UBE3B: variants seen among roughly 807,000 people sequenced by gnomAD.
The protein encoded by UBE3B is ubiquitin-protein ligase E3B.
UBE3B carries 80 observed loss-of-function variants against 132.3 expected under a neutral mutation model. The ratio of observed to expected loss-of-function variants is 0.60; its 90% confidence interval spans 0.50 to 0.73. UBE3B has a LOEUF of 0.73. UBE3B is among the 30% of genes least tolerant of loss of function. The pLI, the probability that UBE3B is intolerant of heterozygous loss-of-function variation, is 0.00. For missense variants in UBE3B, 1,196 were observed against 1,362.5 expected (o/e 0.88, Z 1.92); for synonymous variants, 487 against 520.4 (o/e 0.94, Z 0.87).
intron 11 of UBE3B, 33 bp from the exon 12 acceptor site, chr12:109,499,600 G>A: frequency 6.5e-7 from 1 of 1,536,662 alleles, no homozygotes. Context: ...ATGTTTGTCT[G>A]GGCCCATCAC....
chr12:109,533,624 C>T, intron 27 of UBE3B, 66 bp downstream of exon 27: 1 of 1,411,220 alleles, frequency 7.1e-7, no homozygotes, highest in Non-Finnish European at 9.9e-7. Flanking sequence ...GCTGTGCCCA[C>T]TGTGCAAGGC....
At chr12:109,545,767 A>G in the UBE3B span, among the ~76,000 whole-genome samples, 6 of 152,138 alleles carry the variant, frequency 3.9e-5, no homozygotes, top group South Asian at 1.2e-3. Context: ...GGATGCTGCA[A>G]ACTGACAGAC....
chr12:109,482,901 A>C (rs1230739517), intron 2 of UBE3B, among the ~76,000 whole-genome samples: 1 of 152,236 alleles, frequency 6.6e-6, no homozygotes, highest in Non-Finnish European at 1.5e-5. Context: ...CATAAAACCA[A>C]ATATCTTCAA....
At chr12:109,532,721 G>C (rs556246915) in intron 26 of UBE3B, among the ~76,000 whole-genome samples, 6 of 152,344 alleles carry the variant, frequency 3.9e-5, no homozygotes, top group Admixed American at 2.0e-4. Context: ...GAGTTCCCAG[G>C]GGGTAGCAGG....
intron 13 of UBE3B, among the ~76,000 whole-genome samples, chr12:109,502,704 A>G (rs1413383603): frequency 1.3e-5 from 2 of 152,164 alleles, no homozygotes; most frequent in African/African-American, 2.4e-5. Context: ...TTTCCCTAAT[A>G]TAGTCCTCTG....
intron 19 of UBE3B, among the ~76,000 whole-genome samples, chr12:109,517,096 G>A (rs1881159637): frequency 6.6e-6 from 1 of 152,194 alleles, no homozygotes; most frequent in Non-Finnish European, 1.5e-5. Context: ...ACCCAGCAGT[G>A]TCTTCCTTTA....
rs1257686681 is a variant in UBE3B, at chr12:109,534,220, G to A, written c.3016-371G>A. On this transcript the variant is annotated intron_variant, in intron 27 of 27. Transcript: ENST00000342494. This position sits in a 1 kb window ranked among gnomAD's most constrained non-coding sequence, Gnocchi z 5.2. ...TTGGCCCAAGTCATGGTCTGCCACC[G>A]GCCACAGCACCGGTGAGGAGGGAGG... 8.8e-6 allele frequency: 11 copies of A among 1,246,162 alleles called. No homozygotes were observed. The highest frequency in any genetic ancestry group is 3.4e-4 in the Middle Eastern group (1 of 2,958). 77.2% of individuals were successfully genotyped at this position (1,246,162 alleles called of 1,614,324 possible). A position where few individuals can be genotyped will look rare whatever the true frequency, so the allele number is the denominator to read the frequency against.
At chr12:109,529,493 TG>T (rs1203626129) in intron 24 of UBE3B, among the ~76,000 whole-genome samples, 2 of 152,212 alleles carry the variant, frequency 1.3e-5, no homozygotes, top group Non-Finnish European at 2.9e-5. Flanking sequence ...GAGGACTGAA[TG>T]GTATCTTAAT....
At chr12:109,529,779 T>A (rs1326420487) in intron 24 of UBE3B, 111 bp from the exon 25 acceptor site, 1 of 1,253,904 alleles carries the variant, frequency 8.0e-7, no homozygotes, top group African/African-American at 1.5e-5. Context: ...TGGTACTATT[T>A]GTGTTTTTTG....
chr12:109,524,068 C>T lies in UBE3B; in HGVS notation c.2455C>T (p.Leu819=), dbSNP rs779153754. 1.2e-6 allele frequency: 2 copies of T among 1,614,200 alleles called. No homozygotes were observed. The highest frequency in any genetic ancestry group is 4.5e-5 in the East Asian group (2 of 44,878). Residue 819 remains leucine (L), a synonymous_variant, in exon 22 of 28, where the codon CTG becomes TTG. Transcript: ENST00000342494. ...CGTCTTCTATAGCTCGGTGGATGAA[C>T]TGCCTTCTCTGGACTCCGAGTTCTA... ...HSVFYSSVDE[L]PSLDSEFYKN... is the part of the protein sequence containing the mutation.
the UBE3B span, among the ~76,000 whole-genome samples, chr12:109,543,422 G>A: frequency 6.6e-6 from 1 of 152,216 alleles, no homozygotes; most frequent in Non-Finnish European, 1.5e-5. Flanking sequence ...CTAACGGTTT[G>A]GGGTTGCATT....
At chr12:109,512,983 C>T (rs1411242072) in intron 18 of UBE3B, among the ~76,000 whole-genome samples, 1 of 152,266 alleles carries the variant, frequency 6.6e-6, no homozygotes, top group Non-Finnish European at 1.5e-5. Flanking sequence ...TTCTCTGTAA[C>T]TTCTACCCTT....
chr12:109,510,941 G>A (rs1412278510), intron 17 of UBE3B, among the ~76,000 whole-genome samples: 1 of 152,200 alleles, frequency 6.6e-6, no homozygotes, highest in African/African-American at 2.4e-5. Flanking sequence ...CTAGAGCAGG[G>A]ACTGGCAAAC....
chr12:109,534,783 C>A lies in UBE3B; in HGVS notation c.*1C>A. Reference sequence around the variant, plus strand: ...GAACACGGGCTTTGAACTCTCCTAGCTCCTGTCCCAGCCCTGCCTCCAGGG... The same window carrying A: ...GAACACGGGCTTTGAACTCTCCTAGATCCTGTCCCAGCCCTGCCTCCAGGG... On this transcript the variant is annotated 3_prime_UTR_variant, in exon 28 of 28. Transcript: ENST00000342494. The surrounding 1 kb of genome is among the most constrained non-coding windows in gnomAD (Gnocchi z 5.2). 6.6e-7 allele frequency: 1 copy of A among 1,514,254 alleles called. No homozygotes were observed. The allele number at this position is 1,514,254 out of a possible 1,614,324, so 93.8% of individuals were successfully genotyped here.
chr12:109,516,391 G>A (rs1006019474), intron 18 of UBE3B, among the ~76,000 whole-genome samples: 1 of 151,940 alleles, frequency 6.6e-6, no homozygotes, highest in East Asian at 1.9e-4. Context: ...TGGCCAGGCT[G>A]GTTTTGAACT....
chr12:109,487,732 C>T (rs951733006), intron 6 of UBE3B, among the ~76,000 whole-genome samples: 1 of 152,174 alleles, frequency 6.6e-6, no homozygotes, highest in Non-Finnish European at 1.5e-5. Context: ...AAGAAACAGA[C>T]GTCAGGAGAA....
At chr12:109,506,510 G>C (rs539344578) in intron 14 of UBE3B, among the ~76,000 whole-genome samples, 2 of 152,148 alleles carry the variant, frequency 1.3e-5, no homozygotes, top group Non-Finnish European at 2.9e-5. Context: ...CACCACGCCC[G>C]GCTGATTTTG....
chr12:109,517,956 G>C, intron 19 of UBE3B: 1 of 447,790 alleles, frequency 2.2e-6, no homozygotes, highest in Non-Finnish European at 4.5e-6. Context: ...GATCAATGCC[G>C]AGAGCTGCTA....
chr12:109,483,840 T>G (rs529443721), intron 3 of UBE3B, 21 bp from the exon 4 acceptor site: 1 of 1,601,784 alleles, frequency 6.2e-7, no homozygotes, highest in East Asian at 2.2e-5. Flanking sequence ...AAAATGTCTT[T>G]TTTTGCACTT....
Sources: allele counts gnomAD v4.1 joint callset (sites outside exome capture counted in the v4.1 genomes callset), GRCh38; gene constraint gnomAD v4.1.1; non-coding constraint Gnocchi (gnomAD v3.1); transcripts MANE v1.5; gene names NCBI Gene and HGNC (gene_info 2026-07-23, HGNC 2026-07-21).